Variants in MYOF observed in about 807,000 individuals in gnomAD.
The protein encoded by MYOF is myoferlin.
MYOF carries 244 observed loss-of-function variants against 284.2 expected under a neutral mutation model. The ratio of observed to expected loss-of-function variants is 0.86; its 90% CI spans 0.77 to 0.95. The LOEUF is 0.95. MYOF is among the 40% of genes least tolerant of loss of function. The pLI, the probability that MYOF is intolerant of heterozygous loss-of-function variation, is 0.00. For synonymous variants in MYOF, 904 were observed against 919.7 expected (o/e 0.98, Z 0.31); for missense variants, 2,496 against 2,560.6 (o/e 0.97, Z 0.54).
intron 3 of MYOF, among the ~76,000 whole-genome samples, chr10:93,435,987 CCTA>C (rs1564717126): frequency 6.6e-6 from 1 of 151,134 alleles, no homozygotes; most frequent in Non-Finnish European, 1.5e-5. Flanking sequence ...AAAAAAATCT[CCTA>C]GAACATGTTC....
chr10:93,371,526 AT>A (rs1845588848), intron 24 of MYOF, among the ~76,000 whole-genome samples: 3 of 152,302 alleles, frequency 2.0e-5, no homozygotes, highest in South Asian at 4.1e-4. Context: ...CTGCTTTCTG[AT>A]TTTTTACACA....
Position 93,482,288 on chromosome 10 carries a change from T to G in MYOF, c.-94A>C. ...GCACCGCCCTGGGAGAGAAGTTCTC[T>G]CCCAGTGAAGGGAGGATTTCTCCCA... On this transcript the variant is annotated 5_prime_UTR_variant, in exon 1 of 54. Transcript: ENST00000359263. 1 of 1,076,558 alleles carries G rather than the reference T, an allele frequency of 9.3e-7. No homozygotes were observed. Among genetic ancestry groups the G allele is most frequent in the Non-Finnish European group, 1.4e-6 (1 of 720,666 alleles). 66.7% of individuals were successfully genotyped at this position (1,076,558 alleles called of 1,614,324 possible).
At chr10:93,450,554 A>G (rs2056561723) in intron 3 of MYOF, among the ~76,000 whole-genome samples, 1 of 152,214 alleles carries the variant, frequency 6.6e-6, no homozygotes, top group South Asian at 2.1e-4. Flanking sequence ...AGCCTGGGTG[A>G]CAGAGTGAGA....
chr10:93,406,265 G>C (rs548505709), intron 7 of MYOF, among the ~76,000 whole-genome samples: 2 of 82,646 alleles, frequency 2.4e-5, no homozygotes, highest in East Asian at 1.1e-3. Flanking sequence ...GGCCAGGCTA[G>C]AAATTTTTTT....
intron 36 of MYOF, among the ~76,000 whole-genome samples, chr10:93,349,327 G>C (rs147852909): frequency 6.6e-6 from 1 of 152,264 alleles, no homozygotes; most frequent in East Asian, 1.9e-4. Flanking sequence ...TGCCATCCCA[G>C]GGGCACCTGG....
At chr10:93,337,007 G>A (rs1843646921) in intron 40 of MYOF, among the ~76,000 whole-genome samples, 1 of 151,652 alleles carries the variant, frequency 6.6e-6, no homozygotes, top group East Asian at 1.9e-4. Context: ...AGGGAGTGAG[G>A]GAGGATGGAG....
At chr10:93,475,792 G>C (rs983882381) in intron 1 of MYOF, among the ~76,000 whole-genome samples, 6 of 152,190 alleles carry the variant, frequency 3.9e-5, no homozygotes, top group African/African-American at 1.4e-4. Context: ...GCACCCCTAA[G>C]CTGAGGGCAC....
rs1411402806 is a variant in MYOF, at chr10:93,401,454, A to G, written c.1081T>C (p.Leu361=). Residue 361 remains leucine, a synonymous_variant, in exon 12 of 54, where the codon TTG becomes CTG. Coordinates refer to ENST00000359263, the MANE Select transcript of MYOF (RefSeq NM_013451.4). ...AGIALRWVTF[L]LKIYRAEDIP... The stretch of plus-strand genomic sequence containing the variant: ...TCCTCAGCTCGGTAGATTTTCAGCA[A>G]GAAGGTCACCCACCGGAGGGCAATG... 1.2e-6 allele frequency: 2 copies of G among 1,614,198 alleles called. No individual in the cohort carries two copies. The highest frequency in any genetic ancestry group is 1.7e-5 in the Admixed American group (1 of 60,036).
intron 29 of MYOF, among the ~76,000 whole-genome samples, chr10:93,357,237 T>C (rs544797975): frequency 4.9e-4 from 75 of 152,394 alleles, no homozygotes; most frequent in Non-Finnish European, 9.6e-4. Context: ...ATCTCCATTT[T>C]ACATATGTAG....
chr10:93,470,722 C>G (rs974490929), intron 1 of MYOF, among the ~76,000 whole-genome samples: 6 of 152,114 alleles, frequency 3.9e-5, no homozygotes, highest in African/African-American at 1.4e-4. Context: ...ATTCACTGAA[C>G]GCTGGCCCCA....
At chr10:93,385,311 T>A (rs1268318568) in intron 19 of MYOF, among the ~76,000 whole-genome samples, 2 of 152,240 alleles carry the variant, frequency 1.3e-5, no homozygotes, top group Admixed American at 1.3e-4. Context: ...CCAGGCTGAA[T>A]CTGCTGCATC....
intron 53 of MYOF, 42 bp downstream of exon 53, chr10:93,309,978 T>C (rs1842308504): frequency 6.2e-7 from 1 of 1,612,008 alleles, no homozygotes; most frequent in Non-Finnish European, 8.5e-7. Flanking sequence ...CAACTGCAAC[T>C]CACAAGAAAG....
rs763404935 is a variant in MYOF, at chr10:93,351,196, C to T, written c.3921+1G>A. On this transcript the variant is annotated splice_donor_variant, in intron 35 of 53. Transcript: ENST00000359263. LOFTEE classifies it high-confidence loss of function. ...TGAGTAACACGTGGGGAGCAGCATA[C>T]CTCAATGGCAGTGAGCTGGACCACA... 6.2e-7 allele frequency: 1 copy of T among 1,613,890 alleles called. No homozygotes were observed. Among genetic ancestry groups the T allele is most frequent in the Non-Finnish European group, 8.5e-7 (1 of 1,179,876 alleles).
chr10:93,396,890 A>G (rs1372648014), intron 15 of MYOF, among the ~76,000 whole-genome samples: 3 of 152,216 alleles, frequency 2.0e-5, no homozygotes, highest in Non-Finnish European at 4.4e-5. Flanking sequence ...TTTAAACAAT[A>G]ACAATGAATT....
chr10:93,452,989 A>T (rs894488909), intron 2 of MYOF, among the ~76,000 whole-genome samples: 1 of 152,258 alleles, frequency 6.6e-6, no homozygotes, highest in South Asian at 2.1e-4. Flanking sequence ...AGCGTCACTG[A>T]TGCCTTTGAC....
rs542841975 is a variant in MYOF at position 93,310,524 on chromosome 10, G to A, written c.5999+10C>T. The A allele has an allele frequency of 1.3e-5, 21 of 1,612,220 alleles. No homozygotes were observed. The highest frequency in any genetic ancestry group is 1.7e-5 in the Non-Finnish European group (20 of 1,179,502). ...GTTTGGGGAGTGGGAGAACAAAGAA[G>A]GCCTCTCACTTTGGTAAGTCCAGCT... On this transcript the variant is annotated intron_variant, in intron 52 of 53. Transcript: ENST00000359263.
chr10:93,346,564 C>T (rs1844192322), intron 37 of MYOF, among the ~76,000 whole-genome samples: 3 of 152,258 alleles, frequency 2.0e-5, no homozygotes, highest in African/African-American at 7.2e-5. Flanking sequence ...AATGCTGTAT[C>T]ACTAGCTATT....
chr10:93,470,381 T>C (rs1371569443), intron 1 of MYOF, among the ~76,000 whole-genome samples: 1 of 152,110 alleles, frequency 6.6e-6, no homozygotes, highest in Non-Finnish European at 1.5e-5. Context: ...TGATAATGTC[T>C]CCTTTCCAGA....
intron 23 of MYOF, among the ~76,000 whole-genome samples, chr10:93,373,359 T>C (rs1845680657): frequency 6.6e-6 from 1 of 152,044 alleles, no homozygotes; most frequent in Non-Finnish European, 1.5e-5. Flanking sequence ...CTCTGGGAGG[T>C]ATCTTAGAAA....
Sources: gnomAD v4.1 joint callset for allele counts (sites outside exome capture counted in the v4.1 genomes callset) on GRCh38, gnomAD v4.1.1 for gene constraint, MANE v1.5 for transcripts, NCBI Gene and HGNC (gene_info 2026-07-23, HGNC 2026-07-21) for gene names.